TSPAN14: variants seen among roughly 807,000 people sequenced by gnomAD.
TSPAN14 encodes the protein tetraspanin 14, also known as tetraspanin-14.
TSPAN14 carries 16 observed loss-of-function variants against 36.6 expected under a neutral mutation model. That is an observed-to-expected ratio of 0.44 (90% confidence interval 0.30 to 0.66). The LOEUF is 0.66. Ranked by LOEUF, TSPAN14 falls within the 30% of genes least tolerant of loss-of-function variation. The pLI is 0.12. For synonymous variants in TSPAN14, 139 were observed against 143.8 expected, an observed-to-expected ratio of 0.97 and a Z score of 0.24; for missense variants, 231 against 355.1, an observed-to-expected ratio of 0.65 and a Z score of 2.81.
chr10:80,506,597 C>T (rs1840315995), intron 3 of TSPAN14, among the ~76,000 whole-genome samples: 1 of 152,194 alleles, frequency 6.6e-6, no homozygotes, highest in Admixed American at 6.5e-5. Flanking sequence ...AACTGCTCTG[C>T]CCATTGTGTG....
chr10:80,472,685 A>G (rs1846623843), intron 1 of TSPAN14, among the ~76,000 whole-genome samples: 1 of 152,184 alleles, frequency 6.6e-6, no homozygotes, highest in Admixed American at 6.5e-5. Flanking sequence ...GCTATGTATC[A>G]TTGTGCTACA....
At position 80,476,409 on chromosome 10, in the gene TSPAN14, G is replaced by GTTTT. The variant is rs60589813; in HGVS notation, c.-17-12787_-17-12784dup. Among the ~76,000 whole-genome samples the GTTTT allele has an allele frequency of 6.9e-4, 59 of 85,060 alleles. 1 individual carries two copies. The highest frequency in any genetic ancestry group is 1.9e-3 in the African/African-American group (44 of 23,678). The allele number at this position is 85,060 out of a possible 152,430, so 55.8% of individuals were successfully genotyped here. ...ATGCTGTGAAAATAGTTGTTTTACT[G>GTTTT]TTTTTTTTTTTTTTTTTTTTTTTTG... On this transcript the variant is annotated intron_variant, in intron 1 of 8. Coordinates refer to ENST00000429989, the Ensembl canonical transcript of TSPAN14.
intron 1 of TSPAN14, among the ~76,000 whole-genome samples, chr10:80,479,607 A>G (rs897047243): frequency 4.3e-4 from 65 of 152,216 alleles, no homozygotes; most frequent in African/African-American, 1.4e-3. Flanking sequence ...AGTTGTAGAT[A>G]TGTGGCGTTA....
In TSPAN14 at chr10:80,511,005, G is replaced by A. The variant is rs146653393; in HGVS notation, c.451-1139G>A. Among the ~76,000 whole-genome samples, 362 of 152,358 alleles carry A rather than the reference G, an allele frequency of 2.4e-3. 1 individual carries two copies. The highest frequency in any genetic ancestry group is 8.5e-3 in the African/African-American group (353 of 41,584). On this transcript the variant is annotated intron_variant, in intron 5 of 8. Transcript: ENST00000429989. ...CTAAAGCAAGTGGAACCGTGGAGGT[G>A]TGGGGGAGACAATTTTACCTGAGAA...
chr10:80,502,111 T>C (rs546273909), intron 2 of TSPAN14, among the ~76,000 whole-genome samples: 1 of 152,118 alleles, frequency 6.6e-6, no homozygotes, highest in Admixed American at 6.5e-5. Flanking sequence ...GAGCCAGGAA[T>C]GGATATGGAG....
exon 9 of TSPAN14, chr10:80,520,648 C>A (rs1449777401): frequency 1.9e-6 from 1 of 533,478 alleles, no homozygotes. Context: ...CTTCCTATCG[C>A]TGGCCTTCCT....
intron 2 of TSPAN14, among the ~76,000 whole-genome samples, chr10:80,503,681 G>T (rs1304722357): frequency 6.6e-6 from 1 of 152,130 alleles, no homozygotes; most frequent in Non-Finnish European, 1.5e-5. Flanking sequence ...ATCACTTTCA[G>T]GTTGGATGAG....
intron 7 of TSPAN14, chr10:80,515,859 C>G: frequency 4.4e-6 from 1 of 226,496 alleles, no homozygotes; most frequent in Non-Finnish European, 8.7e-6. Flanking sequence ...GTTTCTCTCC[C>G]TTTAGAGGCA....
intron 1 of TSPAN14, among the ~76,000 whole-genome samples, chr10:80,456,881 G>C (rs1323920036): frequency 1.3e-5 from 2 of 151,948 alleles, no homozygotes; most frequent in Non-Finnish European, 2.9e-5. Context: ...TGACCAACAC[G>C]GTGAAACCCT....
At chr10:80,463,168 C>T (rs1846068864) in intron 1 of TSPAN14, 1 of 152,182 alleles carries the variant, frequency 6.6e-6, no homozygotes. Flanking sequence ...CTGACCCCCT[C>T]CTTCCCCTTG....
chr10:80,464,203 G>T (rs1399801619), intron 1 of TSPAN14, among the ~76,000 whole-genome samples: 1 of 152,208 alleles, frequency 6.6e-6, no homozygotes, highest in Admixed American at 6.5e-5. Flanking sequence ...AGGGGTTGGT[G>T]TGAGGATCGG....
intron 2 of TSPAN14, among the ~76,000 whole-genome samples, chr10:80,492,123 G>A (rs964475049): frequency 1.3e-5 from 2 of 152,188 alleles, no homozygotes; most frequent in Non-Finnish European, 2.9e-5. Context: ...GCTGCCTAGT[G>A]TCTGCCTCAG....
chr10:80,457,350 A>G (rs1845781983), intron 1 of TSPAN14, among the ~76,000 whole-genome samples: 3 of 151,896 alleles, frequency 2.0e-5, no homozygotes, highest in Admixed American at 2.0e-4. Context: ...CACCACACCC[A>G]GCTAATTTTT....
chr10:80,522,363 T>C (rs1186205600), exon 9 of TSPAN14: 2 of 151,916 alleles, frequency 1.3e-5, no homozygotes, highest in Admixed American at 6.6e-5. Context: ...ATACAAAAAT[T>C]AGTCGGGCAT....
chr10:80,475,439 A>G (rs2131981490), intron 1 of TSPAN14, among the ~76,000 whole-genome samples: 1 of 152,266 alleles, frequency 6.6e-6, no homozygotes, highest in East Asian at 1.9e-4. Context: ...GGTGGTACAC[A>G]CCTGTGGTCC....
At chr10:80,461,300 C>T (rs1017517047) in intron 1 of TSPAN14, among the ~76,000 whole-genome samples, 7 of 152,166 alleles carry the variant, frequency 4.6e-5, no homozygotes, top group African/African-American at 1.4e-4. Context: ...GAAAACCTGT[C>T]GGCTGTGGAT....
At chr10:80,455,284 C>G (rs1016696400) in intron 1 of TSPAN14, among the ~76,000 whole-genome samples, 3 of 152,132 alleles carry the variant, frequency 2.0e-5, no homozygotes, top group African/African-American at 7.2e-5. Flanking sequence ...GGCCCGGGTA[C>G]TGGCCTGGGG....
rs2132071453 is a variant in TSPAN14, at chr10:80,517,766, G to C, written c.742-139G>C. On this transcript the variant is annotated intron_variant, in intron 8 of 8. Transcript: ENST00000429989. ...GCTGTGCTGTGCCACTCGCTCTGCG[G>C]TGCTGTCTCTACGTCTTCAGTCGCA... 1.8e-5 allele frequency: 14 copies of C among 799,076 alleles called. No homozygotes were observed. In the South Asian group the frequency reaches 2.1e-4, roughly 12 times the overall value. The allele number at this position is 799,076 out of a possible 1,614,324, so 49.5% of individuals were successfully genotyped here. A position where few individuals can be genotyped will look rare whatever the true frequency, so the allele number is the denominator to read the frequency against.
At chr10:80,495,369 G>A (rs754599550) in intron 2 of TSPAN14, among the ~76,000 whole-genome samples, 1 of 39,586 alleles carries the variant, frequency 2.5e-5, no homozygotes, top group Admixed American at 3.8e-4. Context: ...GTGTGTGTGT[G>A]TGTGTGTGTA....
Sources: allele counts gnomAD v4.1 joint callset (sites outside exome capture counted in the v4.1 genomes callset), GRCh38; gene constraint gnomAD v4.1.1; transcripts MANE v1.5; gene names NCBI Gene and HGNC (gene_info 2026-07-23, HGNC 2026-07-21).